The following GORAB variants were observed in gnomAD, a reference collection of about 807,000 sequenced individuals.
The protein encoded by GORAB is RAB6-interacting golgin.
GORAB carries 17 observed loss-of-function variants against 29.9 expected under a neutral mutation model. The ratio of observed to expected loss-of-function variants is 0.57; its 90% CI spans 0.39 to 0.85. The LOEUF (loss-of-function observed/expected upper bound fraction) is 0.85. GORAB is among the 40% of genes least tolerant of loss of function. GORAB has a pLI of 0.00. For missense variants in GORAB, 442 were observed against 437.8 expected, an observed-to-expected ratio of 1.01 and a Z score of -0.09; for synonymous variants, 183 against 157.2, an observed-to-expected ratio of 1.16 and a Z score of -1.23.
intron 4 of GORAB, chr1:170,545,495 A>AAC: frequency 4.1e-6 from 4 of 984,348 alleles, no homozygotes; most frequent in Non-Finnish European, 4.8e-6. Flanking sequence ...AAAATGAACT[A>AAC]ACACATGTAA....
rs1188943601 is a variant in GORAB, at chr1:170,552,670, G to A, written c.*208G>A. 1 of 618,634 alleles carries A rather than the reference G, an allele frequency of 1.6e-6. No individual in the cohort carries two copies. Among genetic ancestry groups the A allele is most frequent in the Admixed American group, 2.1e-5 (1 of 47,418 alleles). The allele number at this position is 618,634 out of a possible 1,614,324, so 38.3% of individuals were successfully genotyped here. A position where few individuals can be genotyped will look rare whatever the true frequency, so the allele number is the denominator to read the frequency against. On this transcript the variant is annotated 3_prime_UTR_variant, in exon 5 of 5. Coordinates refer to ENST00000367763, the MANE Select transcript of GORAB (RefSeq NM_152281.3). ...AGGGGTATGTTTCACCTTGATTTTG[G>A]CCCGGTTCTTTCAGTGTTCCGTTTA...
rs764634024 is a variant in GORAB, at chr1:170,553,377, T to C, written c.*915T>C. On this transcript the variant is annotated 3_prime_UTR_variant, in exon 5 of 5. Coordinates refer to ENST00000367763, the MANE Select transcript of GORAB (RefSeq NM_152281.3). ...TTCTTATTAGTTTGTTAATTGCCTG[T>C]TACTAGTACTTGACCAATACATTGT... 17 of 452,344 alleles carry C rather than the reference T, an allele frequency of 3.8e-5. No homozygotes were observed. The highest frequency in any genetic ancestry group is 7.1e-5 in the Non-Finnish European group (16 of 226,370). The allele number at this position is 452,344 out of a possible 1,614,324, so 28.0% of individuals were successfully genotyped here.
In GORAB at chr1:170,553,121, CAT is replaced by C; in HGVS notation, c.*660_*661del. 2.3e-6 allele frequency: 1 copy of C among 441,446 alleles called. No individual in the cohort carries two copies. The allele number at this position is 441,446 out of a possible 1,614,324, so 27.3% of individuals were successfully genotyped here. A position where few individuals can be genotyped will look rare whatever the true frequency, so the allele number is the denominator to read the frequency against. ...AAACACACACACTTATATATAAACACATGTAATTTTACTATTTTATTGTCTTT... is the reference window on the plus strand; with the variant it reads ...AAACACACACACTTATATATAAACACGTAATTTTACTATTTTATTGTCTTT... On this transcript the variant is annotated 3_prime_UTR_variant, in exon 5 of 5. Coordinates refer to ENST00000367763, the MANE Select transcript of GORAB (RefSeq NM_152281.3).
Position 170,552,454 on chromosome 1 carries a change from G to A in GORAB, c.1102G>A (p.Ala368Thr). Residue 368 changes from alanine to threonine, a missense_variant, in exon 5 of 5, where the codon GCC becomes ACC. By Grantham distance (58) the Ala-to-Thr change is moderately conservative (BLOSUM62 0). Coordinates refer to ENST00000367763, the MANE Select transcript of GORAB (RefSeq NM_152281.3). ...AGGTAATGACATTTCAGCTGCTTTG[G>A]CCACATGAAGTTCTGGTATTCTTTT... Reference protein sequence around the residue: ...QEGNDISAALAT With the variant: ...QEGNDISAALTT 6.2e-7 allele frequency: 1 copy of A among 1,613,424 alleles called. No homozygotes were observed. Among genetic ancestry groups the A allele is most frequent in the Non-Finnish European group, 8.5e-7 (1 of 1,179,716 alleles).
At position 170,552,925 on chromosome 1, in the gene GORAB, TAGA is replaced by T; in HGVS notation, c.*468_*470del. 2.2e-6 allele frequency: 1 copy of T among 450,102 alleles called. No individual in the cohort carries two copies. Among genetic ancestry groups the T allele is most frequent in the South Asian group, 1.6e-5 (1 of 63,014 alleles). 27.9% of individuals were successfully genotyped at this position (450,102 alleles called of 1,614,324 possible). A position where few individuals can be genotyped will look rare whatever the true frequency, so the allele number is the denominator to read the frequency against. ...AGTGTGAACAAGAGAAAAACAGGAA[TAGA>T]AGAAAAAAGTTGCAGGTTGAATTAT... On this transcript the variant is annotated 3_prime_UTR_variant, in exon 5 of 5. Transcript: ENST00000367763.
At chr1:170,545,170 T>C (rs1214949288) in intron 4 of GORAB, 7 of 1,029,122 alleles carry the variant, frequency 6.8e-6, no homozygotes, top group Non-Finnish European at 8.2e-6. Flanking sequence ...GCAAAGTAAA[T>C]ATCTGAGTGG....
At chr1:170,548,666 TCAA>T (rs1649909554) in intron 4 of GORAB, among the ~76,000 whole-genome samples, 1 of 152,204 alleles carries the variant, frequency 6.6e-6, no homozygotes, top group African/African-American at 2.4e-5. Context: ...GTAAAGAAGC[TCAA>T]CAATGATAAG....
chr1:170,553,535 AATT>A lies in GORAB; in HGVS notation c.*1079_*1081del. 2.3e-6 allele frequency: 1 copy of A among 430,164 alleles called. No individual in the cohort carries two copies. The highest frequency in any genetic ancestry group is 4.5e-6 in the Non-Finnish European group (1 of 220,796). 26.6% of individuals were successfully genotyped at this position (430,164 alleles called of 1,614,324 possible). ...GAGGACTTTTTTTTTTTAAAAAAAG[AATT>A]ATTATCAGAGAACATAAGCACAAGT... On this transcript the variant is annotated 3_prime_UTR_variant, in exon 5 of 5. Transcript: ENST00000367763.
rs755734682 is a variant in GORAB, at chr1:170,552,658, A to T, written c.*196A>T. 1.4e-5 allele frequency: 9 copies of T among 639,442 alleles called. No individual in the cohort carries two copies. Among genetic ancestry groups the T allele is most frequent in the South Asian group, 1.4e-4 (9 of 66,320 alleles). The allele number at this position is 639,442 out of a possible 1,614,324, so 39.6% of individuals were successfully genotyped here. A position where few individuals can be genotyped will look rare whatever the true frequency, so the allele number is the denominator to read the frequency against. On this transcript the variant is annotated 3_prime_UTR_variant, in exon 5 of 5. Transcript: ENST00000367763. ...AACTGTATTTCTAGGGGTATGTTTC[A>T]CCTTGATTTTGGCCCGGTTCTTTCA... is the stretch of plus-strand genomic sequence containing the variant.
intron 2 of GORAB, among the ~76,000 whole-genome samples, chr1:170,542,190 C>G (rs1649474346): frequency 2.0e-5 from 3 of 152,110 alleles, no homozygotes; most frequent in African/African-American, 4.8e-5. Context: ...TCTTTGTACT[C>G]CTAAACACAT....
intron 4 of GORAB, among the ~76,000 whole-genome samples, chr1:170,549,532 G>A (rs1649987795): frequency 6.6e-6 from 1 of 152,170 alleles, no homozygotes; most frequent in Non-Finnish European, 1.5e-5. Context: ...TTGACTGGCT[G>A]AAGGAGACCA....
intron 2 of GORAB, among the ~76,000 whole-genome samples, chr1:170,541,934 G>A (rs376355915): frequency 1.3e-5 from 2 of 151,770 alleles, no homozygotes; most frequent in East Asian, 1.9e-4. Context: ...GTAATATAGC[G>A]ACACCCTGTT....
In GORAB at chr1:170,553,411, T is replaced by G. The variant is rs556130785; in HGVS notation, c.*949T>G. Reference sequence around the variant, plus strand: ...CTTGACCAATACATTGTGCTATATGTAAATGTGTAAATAAATATTGTAATT... The same window carrying G: ...CTTGACCAATACATTGTGCTATATGGAAATGTGTAAATAAATATTGTAATT... On this transcript the variant is annotated 3_prime_UTR_variant, in exon 5 of 5. Transcript: ENST00000367763. 1 of 448,128 alleles carries G rather than the reference T, an allele frequency of 2.2e-6. No individual in the cohort carries two copies. The highest frequency in any genetic ancestry group is 1.6e-5 in the South Asian group (1 of 61,690). 27.8% of individuals were successfully genotyped at this position (448,128 alleles called of 1,614,324 possible). A position where few individuals can be genotyped will look rare whatever the true frequency, so the allele number is the denominator to read the frequency against.
chr1:170,552,461 G>T lies in GORAB; in HGVS notation c.1109G>T (p.Ter370LeuextTer8). ...GACATTTCAGCTGCTTTGGCCACAT[G>T]AAGTTCTGGTATTCTTTTGAGCTAA... Reference protein sequence around the residue: ...GNDISAALAT* With the variant: ...GNDISAALATL Residue 370 changes from the stop codon to leucine, a stop_lost, in exon 5 of 5, where the codon TGA becomes TTA. Coordinates refer to ENST00000367763, the MANE Select transcript of GORAB (RefSeq NM_152281.3). 1.2e-6 allele frequency: 2 copies of T among 1,613,116 alleles called. No homozygotes were observed. The highest frequency in any genetic ancestry group is 1.3e-5 in the African/African-American group (1 of 75,012).
chr1:170,544,236 G>A (rs1016427129), intron 3 of GORAB, among the ~76,000 whole-genome samples: 2 of 152,142 alleles, frequency 1.3e-5, no homozygotes, highest in Non-Finnish European at 2.9e-5. Context: ...TCCCAAGAAA[G>A]TTAAAACTAA....
intron 1 of GORAB, 182 bp from the exon 2 acceptor site, chr1:170,539,028 C>T: frequency 1.5e-6 from 1 of 678,764 alleles, no homozygotes; most frequent in Admixed American, 2.8e-5. Flanking sequence ...ACATTATGAT[C>T]TGAAAACTAT....
chr1:170,535,569 T>G (rs1649009256), intron 1 of GORAB, among the ~76,000 whole-genome samples: 1 of 152,188 alleles, frequency 6.6e-6, no homozygotes, highest in Admixed American at 6.5e-5. Context: ...GAGACTGGCT[T>G]TCACTCTGTT....
At chr1:170,545,950 A>G (rs1649731559) in intron 4 of GORAB, among the ~76,000 whole-genome samples, 1 of 152,244 alleles carries the variant, frequency 6.6e-6, no homozygotes, top group Admixed American at 6.5e-5. Context: ...GGGAGATAAC[A>G]GAGATTTTAT....
chr1:170,540,171 G>A (rs904421079), intron 2 of GORAB, among the ~76,000 whole-genome samples: 2 of 151,864 alleles, frequency 1.3e-5, no homozygotes, highest in Non-Finnish European at 2.9e-5. Context: ...AGAGAGTGTA[G>A]GAAATTTAGG....
Sources: allele counts gnomAD v4.1 joint callset (sites outside exome capture counted in the v4.1 genomes callset), GRCh38; gene constraint gnomAD v4.1.1; transcripts MANE v1.5; gene names NCBI Gene and HGNC (gene_info 2026-07-23, HGNC 2026-07-21).